Variants in TPH2 observed in about 807,000 individuals in gnomAD.
The protein encoded by TPH2 is tryptophan 5-hydroxylase 2.
A neutral mutation model predicts 59.1 loss-of-function variants in TPH2; 27 were observed. That is an observed-to-expected ratio of 0.46 (90% CI 0.34 to 0.63). TPH2 has a LOEUF of 0.63. Among genes scored for constraint, TPH2 ranks in the 30% least tolerant of loss-of-function variants. The probability of loss-of-function intolerance (pLI) is 0.01; values close to 1 mark genes in which losing one functional copy is unlikely to be tolerated. For synonymous variants in TPH2, 220 were observed against 210.5 expected (o/e 1.05, Z -0.39); for missense variants, 523 against 588.3 (o/e 0.89, Z 1.15).
At chr12:71,995,270 A>G (rs1872666598) in intron 8 of TPH2, among the ~76,000 whole-genome samples, 1 of 152,208 alleles carries the variant, frequency 6.6e-6, no homozygotes, top group South Asian at 2.1e-4. Context: ...GGCCAGATCT[A>G]GCATGCTCAT....
At chr12:71,993,179 G>A (rs1872619067) in intron 7 of TPH2, among the ~76,000 whole-genome samples, 1 of 152,198 alleles carries the variant, frequency 6.6e-6, no homozygotes, top group Admixed American at 6.5e-5. Flanking sequence ...GAGTGATTGA[G>A]TGATGCTATC....
intron 5 of TPH2, chr12:71,964,587 C>T: frequency 6.1e-6 from 6 of 985,240 alleles, no homozygotes; most frequent in South Asian, 4.7e-5. Flanking sequence ...ATTGTAGACA[C>T]CTGGATGCAG....
At chr12:71,982,976 C>T (rs1872326872) in intron 7 of TPH2, among the ~76,000 whole-genome samples, 1 of 152,142 alleles carries the variant, frequency 6.6e-6, no homozygotes, top group African/African-American at 2.4e-5. Context: ...ACTCTGGCTT[C>T]TCTAAACCTG....
chr12:71,950,489 A>G (rs529792893), intron 5 of TPH2, among the ~76,000 whole-genome samples: 1 of 152,290 alleles, frequency 6.6e-6, no homozygotes, highest in South Asian at 2.1e-4. Flanking sequence ...TGACAGTGAC[A>G]GGATGTGTTT....
At chr12:71,953,001 A>G (rs1406194858) in intron 5 of TPH2, among the ~76,000 whole-genome samples, 2 of 152,180 alleles carry the variant, frequency 1.3e-5, no homozygotes, top group Non-Finnish European at 2.9e-5. Context: ...TTTATATGCC[A>G]TTTACAAATA....
In TPH2 at chr12:71,941,706, A is replaced by G. The variant is rs1871073992; in HGVS notation, c.228A>G (p.Gly76=). 1 of 1,614,084 alleles carries G rather than the reference A, an allele frequency of 6.2e-7. No homozygotes were observed. Among genetic ancestry groups the G allele is most frequent in the Non-Finnish European group, 8.5e-7 (1 of 1,179,952 alleles). ...VVFSLKNEVG[G]LVKALRLFQE... is the part of the protein sequence containing the mutation. ...TCTCCTTGAAGAATGAAGTTGGTGG[A>G]TTGGTAAAAGCACTGAGGCTCTTTC... The change falls in exon 2 of 11, where the codon GGA becomes GGG. Residue 76 remains glycine (G), a synonymous_variant. Transcript: ENST00000333850.
At position 71,989,635 on chromosome 12, in the gene TPH2, G is replaced by A. The variant is rs189847740; in HGVS notation, c.942-4804G>A. On this transcript the variant is annotated intron_variant, in intron 7 of 10. Transcript: ENST00000333850. ...ATGTTGGATGCTCAGTCAATTCCTC[G>A]TAAAGGCTTTAATTTACAACAAAAA... Among the ~76,000 whole-genome samples the A allele has an allele frequency of 1.9e-3, 290 of 152,308 alleles. 1 individual carries two copies. Among genetic ancestry groups the A allele is most frequent in the Non-Finnish European group, 3.4e-3 (230 of 68,030 alleles).
At chr12:72,005,468 T>A (rs922728125) in intron 8 of TPH2, among the ~76,000 whole-genome samples, 1 of 152,160 alleles carries the variant, frequency 6.6e-6, no homozygotes, top group African/African-American at 2.4e-5. Context: ...ACAGCAGCAA[T>A]AAACACTCTT....
intron 5 of TPH2, among the ~76,000 whole-genome samples, chr12:71,968,042 C>T (rs987984068): frequency 6.6e-6 from 1 of 152,084 alleles, no homozygotes; most frequent in Non-Finnish European, 1.5e-5. Context: ...TTGGGGGCTG[C>T]GAGGAGGGAG....
chr12:71,973,720 C>A (rs114033599), intron 6 of TPH2, among the ~76,000 whole-genome samples: 12 of 152,302 alleles, frequency 7.9e-5, no homozygotes, highest in African/African-American at 2.9e-4. Flanking sequence ...GAATTCTTTG[C>A]GTGAGATCCA....
At chr12:72,028,882 G>A (rs920920370) in intron 9 of TPH2, among the ~76,000 whole-genome samples, 13 of 152,182 alleles carry the variant, frequency 8.5e-5, no homozygotes, top group African/African-American at 2.7e-4. Context: ...CTAATGGCCT[G>A]CCTCAAATTA....
At chr12:71,959,890 G>C (rs1274965980) in intron 5 of TPH2, among the ~76,000 whole-genome samples, 1 of 152,128 alleles carries the variant, frequency 6.6e-6, no homozygotes, top group Non-Finnish European at 1.5e-5. Context: ...AGGCTCTACT[G>C]TGATGTGAAA....
rs1383781784 is a variant in TPH2, at chr12:71,949,066, G to A, written c.541-522G>A. Among the ~76,000 whole-genome samples, 5 of 152,132 alleles carry A rather than the reference G, an allele frequency of 3.3e-5. No individual in the cohort carries two copies. In the East Asian group the frequency reaches 9.6e-4, roughly 29 times the overall value. On this transcript the variant is annotated intron_variant, in intron 4 of 10. Coordinates refer to ENST00000333850, the MANE Select transcript of TPH2 (RefSeq NM_173353.4). ...CCCTAAAATCGATTTTGCATTATGTGGCTGTAGTCATAAAATACAGCAAAA... is the reference window on the plus strand; with the variant it reads ...CCCTAAAATCGATTTTGCATTATGTAGCTGTAGTCATAAAATACAGCAAAA...
intron 8 of TPH2, among the ~76,000 whole-genome samples, chr12:72,018,180 G>T (rs1448972929): frequency 6.6e-6 from 1 of 152,166 alleles, no homozygotes. Context: ...CAAAGGGAAA[G>T]GTAGATAGGG....
chr12:72,020,945 A>G (rs1176511200), intron 8 of TPH2, among the ~76,000 whole-genome samples: 5 of 152,190 alleles, frequency 3.3e-5, no homozygotes, highest in Non-Finnish European at 7.3e-5. Flanking sequence ...CTCACATCAA[A>G]AAAATATATA....
chr12:71,964,763 A>C (rs1871769512), intron 5 of TPH2: 2 of 985,100 alleles, frequency 2.0e-6, no homozygotes, highest in Non-Finnish European at 2.4e-6. Flanking sequence ...GTTAATTATA[A>C]ATTTTGTGAT....
chr12:71,962,731 G>A, intron 5 of TPH2: 1 of 962,508 alleles, frequency 1.0e-6, no homozygotes, highest in Non-Finnish European at 1.2e-6. Flanking sequence ...GTTTTGTTTT[G>A]TTTTGTTTTG....
chr12:71,998,730 T>C lies in TPH2; in HGVS notation c.1068+4165T>C, dbSNP rs753499179. ...GTAGCTAGCAAGGCCAGATGAGAAATAGAGGTATTATTAGCTGATTTCCTC... is the reference window on the plus strand; with the variant it reads ...GTAGCTAGCAAGGCCAGATGAGAAACAGAGGTATTATTAGCTGATTTCCTC... On this transcript the variant is annotated intron_variant, in intron 8 of 10. Coordinates refer to ENST00000333850, the MANE Select transcript of TPH2 (RefSeq NM_173353.4). Among the ~76,000 whole-genome samples, 136 of 152,128 alleles carry C rather than the reference T, an allele frequency of 8.9e-4. 1 individual carries two copies. Among genetic ancestry groups the C allele is most frequent in the Admixed American group, 4.8e-3 (74 of 15,278 alleles).
chr12:72,030,486 A>G (rs898829962), intron 9 of TPH2, among the ~76,000 whole-genome samples: 1 of 152,188 alleles, frequency 6.6e-6, no homozygotes, highest in Non-Finnish European at 1.5e-5. Flanking sequence ...TCTTGAGAAT[A>G]TAGTCATTCA....
Sources: allele counts gnomAD v4.1 joint callset (sites outside exome capture counted in the v4.1 genomes callset), GRCh38; gene constraint gnomAD v4.1.1; transcripts MANE v1.5; gene names NCBI Gene and HGNC (gene_info 2026-07-23, HGNC 2026-07-21).